ANGPT1: variants seen among roughly 807,000 people sequenced by gnomAD.
The protein encoded by ANGPT1 is angiopoietin 1, also known as angiopoietin-1.
A neutral mutation model predicts 62.2 loss-of-function variants in ANGPT1; 17 were observed. The observed-to-expected ratio is 0.27, with a 90% confidence interval of 0.19 to 0.41. The LOEUF (loss-of-function observed/expected upper bound fraction) is 0.41, where lower values mean the gene tolerates loss of function less well. Ranked by LOEUF, ANGPT1 falls within the 10% of genes least tolerant of loss-of-function variation. The pLI is 1.00. For missense variants in ANGPT1, 478 were observed against 594.9 expected, an observed-to-expected ratio of 0.80 and a Z score of 2.04; for synonymous variants, 199 against 198.9, an observed-to-expected ratio of 1.00 and a Z score of 0.00.
intron 4 of ANGPT1, among the ~76,000 whole-genome samples, chr8:107,310,005 C>A (rs1814811208): frequency 6.6e-6 from 1 of 152,218 alleles, no homozygotes; most frequent in African/African-American, 2.4e-5. Flanking sequence ...ACTTGAACAT[C>A]ATTTATCTAG....
At chr8:107,384,879 C>T (rs976928174) in intron 1 of ANGPT1, among the ~76,000 whole-genome samples, 7 of 152,062 alleles carry the variant, frequency 4.6e-5, no homozygotes, top group Non-Finnish European at 8.8e-5. Flanking sequence ...AATGGGGTGT[C>T]ATTTTCCCCT....
chr8:107,441,245 T>A (rs1006763995), intron 1 of ANGPT1, among the ~76,000 whole-genome samples: 1 of 152,202 alleles, frequency 6.6e-6, no homozygotes, highest in Non-Finnish European at 1.5e-5. Flanking sequence ...TCCTTAATCA[T>A]CTTTCTTGGA....
chr8:107,375,294 C>G (rs560172715), intron 1 of ANGPT1, among the ~76,000 whole-genome samples: 178 of 152,174 alleles, frequency 1.2e-3, no homozygotes, highest in African/African-American at 3.8e-3. Context: ...ACAAATATGG[C>G]AGTTAGTATT....
intron 1 of ANGPT1, among the ~76,000 whole-genome samples, chr8:107,388,946 G>T (rs973848186): frequency 6.6e-6 from 1 of 152,098 alleles, no homozygotes; most frequent in Non-Finnish European, 1.5e-5. Flanking sequence ...CTGACATATT[G>T]TTTATTTAAT....
intron 8 of ANGPT1, among the ~76,000 whole-genome samples, chr8:107,256,634 TCTGTGCAATC>T (rs1312351216): frequency 6.6e-6 from 1 of 152,188 alleles, no homozygotes; most frequent in African/African-American, 2.4e-5. Flanking sequence ...AATTATATAT[TCTGTGCAATC>T]CTGGGAAAAC....
chr8:107,429,162 G>A (rs1187454355), intron 1 of ANGPT1, among the ~76,000 whole-genome samples: 1 of 152,124 alleles, frequency 6.6e-6, no homozygotes, highest in Non-Finnish European at 1.5e-5. Flanking sequence ...AAATTAATAG[G>A]TGCTTATATG....
chr8:107,454,193 C>A (rs180782899), intron 1 of ANGPT1, among the ~76,000 whole-genome samples: 1 of 151,996 alleles, frequency 6.6e-6, no homozygotes, highest in South Asian at 2.1e-4. Context: ...TAGTGCATGG[C>A]GTGTTACATA....
chr8:107,370,817 A>G (rs1200296449), intron 1 of ANGPT1, among the ~76,000 whole-genome samples: 1 of 151,980 alleles, frequency 6.6e-6, no homozygotes, highest in African/African-American at 2.4e-5. Flanking sequence ...CTAATCACAA[A>G]TAACCATAAC....
intron 7 of ANGPT1, among the ~76,000 whole-genome samples, chr8:107,274,733 CCAT>C (rs1813819790): frequency 6.6e-6 from 1 of 152,060 alleles, no homozygotes; most frequent in Non-Finnish European, 1.5e-5. Flanking sequence ...TCAAGAATTG[CCAT>C]GTATTAGTCA....
At chr8:107,367,779 A>C (rs1336531392) in intron 1 of ANGPT1, among the ~76,000 whole-genome samples, 1 of 152,232 alleles carries the variant, frequency 6.6e-6, no homozygotes, top group Non-Finnish European at 1.5e-5. Flanking sequence ...TTTCCATAAG[A>C]AGCAACTCCT....
chr8:107,364,678 C>T (rs1586258535), intron 1 of ANGPT1, among the ~76,000 whole-genome samples: 1 of 152,222 alleles, frequency 6.6e-6, no homozygotes, highest in Non-Finnish European at 1.5e-5. Context: ...CAAACTGCTT[C>T]TCCCAATCTA....
chr8:107,371,413 T>C (rs1672195), intron 1 of ANGPT1, among the ~76,000 whole-genome samples: 112,654 of 151,954 alleles, frequency 0.74, 42,715 homozygotes, highest in East Asian at 0.87. Context: ...TCACATCTCA[T>C]TGGAAGTTGA....
intron 1 of ANGPT1, among the ~76,000 whole-genome samples, chr8:107,363,102 T>C (rs76506173): frequency 6.6e-6 from 1 of 151,938 alleles, no homozygotes; most frequent in Non-Finnish European, 1.5e-5. Context: ...TTTTTTTTTT[T>C]TTCTCCCACT....
At chr8:107,344,988 T>C (rs1815772021) in intron 2 of ANGPT1, among the ~76,000 whole-genome samples, 1 of 152,200 alleles carries the variant, frequency 6.6e-6, no homozygotes. Flanking sequence ...CACGAGGGTA[T>C]ACATTTACAT....
chr8:107,365,116 A>G (rs924253106), intron 1 of ANGPT1, among the ~76,000 whole-genome samples: 2 of 152,220 alleles, frequency 1.3e-5, no homozygotes, highest in Non-Finnish European at 1.5e-5. Flanking sequence ...CAATATTGCA[A>G]GCATTTAAGG....
chr8:107,371,252 C>T (rs183933249), intron 1 of ANGPT1, among the ~76,000 whole-genome samples: 408 of 152,290 alleles, frequency 2.7e-3, no homozygotes, highest in East Asian at 0.01. Flanking sequence ...AATCAAACTA[C>T]ACAGTGTGGA....
At chr8:107,300,216 A>G (rs1370562940) in intron 5 of ANGPT1, among the ~76,000 whole-genome samples, 1 of 150,064 alleles carries the variant, frequency 6.7e-6, no homozygotes, top group Non-Finnish European at 1.5e-5. Context: ...GGCAAACTGT[A>G]AATGCTCAAT....
chr8:107,293,838 C>A, intron 6 of ANGPT1, 98 bp downstream of exon 6: 5 of 902,342 alleles, frequency 5.5e-6, no homozygotes, highest in Non-Finnish European at 8.3e-6. Flanking sequence ...TCAAAAATAA[C>A]TCAAAACCAC....
At chr8:107,275,572 C>T (rs778741128) in intron 7 of ANGPT1, among the ~76,000 whole-genome samples, 5 of 152,136 alleles carry the variant, frequency 3.3e-5, no homozygotes, top group Non-Finnish European at 5.9e-5. Flanking sequence ...TTGTAATTGC[C>T]TGTTTGGCTG....
Sources: gnomAD v4.1 joint callset for allele counts (sites outside exome capture counted in the v4.1 genomes callset) on GRCh38, gnomAD v4.1.1 for gene constraint, MANE v1.5 for transcripts, NCBI Gene and HGNC (gene_info 2026-07-23, HGNC 2026-07-21) for gene names.